The following SLC22A3 variants were observed in gnomAD, a reference collection of about 807,000 sequenced individuals.
The protein encoded by SLC22A3 is solute carrier family 22 member 3.
A neutral mutation model predicts 59.1 loss-of-function variants in SLC22A3; 51 were observed. The ratio of observed to expected loss-of-function variants is 0.86; its 90% CI spans 0.69 to 1.09. The LOEUF (loss-of-function observed/expected upper bound fraction) is 1.09. Among genes scored for constraint, SLC22A3 ranks in the 50% least tolerant of loss-of-function variants. The pLI is 0.00. For synonymous variants in SLC22A3, 325 were observed against 292.0 expected (o/e 1.11, Z -1.15); for missense variants, 711 against 726.3 (o/e 0.98, Z 0.24).
chr6:160,386,816 G>A (rs1786039185), intron 1 of SLC22A3, among the ~76,000 whole-genome samples: 1 of 152,228 alleles, frequency 6.6e-6, no homozygotes, highest in Non-Finnish European at 1.5e-5. Context: ...GCCTCTTATG[G>A]GACTGGAATC....
chr6:160,447,693 G>A (rs371840694), intron 9 of SLC22A3, 26 bp from the exon 10 acceptor site: 122 of 1,598,498 alleles, frequency 7.6e-5, no homozygotes, highest in Middle Eastern at 1.7e-4. Flanking sequence ...TTCCTGGAGC[G>A]GTAACACCTT....
At position 160,436,456 on chromosome 6, in the gene SLC22A3, G is replaced by A. The variant is rs141949214; in HGVS notation, c.976-324G>A. Among the ~76,000 whole-genome samples, 13 of 152,244 alleles carry A rather than the reference G, an allele frequency of 8.5e-5. No individual in the cohort carries two copies. In the East Asian group the frequency reaches 2.5e-3, roughly 29 times the overall value. On this transcript the variant is annotated intron_variant, in intron 5 of 10. Transcript: ENST00000275300. ...TTTATAAAGAAACCCTTAATTGGTT[G>A]GATCCCACTTGCTTCACCCACCCTG... is the stretch of plus-strand genomic sequence containing the variant.
In SLC22A3 at chr6:160,348,440, G is replaced by T. The variant is rs759156118; in HGVS notation, c.21G>T (p.Ala7=). The part of the protein sequence containing the change: MPSFDE[A]LQRVGEFGRF... ...GCACCATGCCCTCCTTCGACGAGGCGCTGCAGCGGGTGGGCGAGTTCGGGC... is the reference window on the plus strand; with the variant it reads ...GCACCATGCCCTCCTTCGACGAGGCTCTGCAGCGGGTGGGCGAGTTCGGGC... Residue 7 remains alanine, a synonymous_variant, in exon 1 of 11, where the codon GCG becomes GCT. Transcript: ENST00000275300. 3.3e-6 allele frequency: 5 copies of T among 1,518,926 alleles called. No homozygotes were observed. In the Admixed American group the frequency reaches 9.8e-5, roughly 30 times the overall value. 94.1% of individuals were successfully genotyped at this position (1,518,926 alleles called of 1,614,324 possible). A position where few individuals can be genotyped will look rare whatever the true frequency, so the allele number is the denominator to read the frequency against.
chr6:160,449,888 A>AG (rs1316217559), intron 10 of SLC22A3, among the ~76,000 whole-genome samples: 1 of 152,108 alleles, frequency 6.6e-6, no homozygotes, highest in Non-Finnish European at 1.5e-5. Context: ...TCAAAAGGGG[A>AG]GGGGGTGTAA....
intron 5 of SLC22A3, among the ~76,000 whole-genome samples, chr6:160,433,671 C>T (rs1788236264): frequency 1.3e-5 from 2 of 152,150 alleles, no homozygotes; most frequent in Admixed American, 6.5e-5. Context: ...TACACCACTA[C>T]ACTCTAGCCT....
At chr6:160,401,411 T>C (rs1348879340) in intron 2 of SLC22A3, among the ~76,000 whole-genome samples, 1 of 151,724 alleles carries the variant, frequency 6.6e-6, no homozygotes, top group East Asian at 1.9e-4. Flanking sequence ...ACTTAAAGTG[T>C]CAAGAAAAAA....
intron 2 of SLC22A3, among the ~76,000 whole-genome samples, chr6:160,402,749 T>C (rs1009440508): frequency 6.6e-6 from 1 of 151,668 alleles, no homozygotes; most frequent in African/African-American, 2.4e-5. Context: ...GAAGGATAGA[T>C]GGAAAATCCC....
At chr6:160,426,694 A>G (rs1317004860) in intron 5 of SLC22A3, among the ~76,000 whole-genome samples, 1 of 152,170 alleles carries the variant, frequency 6.6e-6, no homozygotes, top group African/African-American at 2.4e-5. Context: ...TCATTAGGCC[A>G]TACCTGCTGT....
At chr6:160,432,042 G>A (rs1227174826) in intron 5 of SLC22A3, among the ~76,000 whole-genome samples, 1 of 152,200 alleles carries the variant, frequency 6.6e-6, no homozygotes, top group Non-Finnish European at 1.5e-5. Context: ...TAAGTTGTAT[G>A]TGAGCCCACA....
chr6:160,439,128 G>A (rs1017032471), intron 7 of SLC22A3, among the ~76,000 whole-genome samples: 3 of 151,902 alleles, frequency 2.0e-5, no homozygotes, highest in African/African-American at 4.8e-5. Flanking sequence ...ATTTAGTATC[G>A]ACTAATTGCC....
intron 1 of SLC22A3, among the ~76,000 whole-genome samples, chr6:160,379,782 C>T (rs1344218702): frequency 6.6e-6 from 1 of 152,194 alleles, no homozygotes; most frequent in Non-Finnish European, 1.5e-5. Flanking sequence ...AAGATCAATA[C>T]ATCTGAAATA....
intron 1 of SLC22A3, among the ~76,000 whole-genome samples, chr6:160,383,795 CAA>C (rs995426103): frequency 6.8e-6 from 1 of 147,356 alleles, no homozygotes; most frequent in South Asian, 2.2e-4. Context: ...TTTTAAAAAG[CAA>C]AAAAAAATAT....
chr6:160,410,968 A>G (rs1033093042), intron 5 of SLC22A3, 122 bp downstream of exon 5: 2 of 517,308 alleles, frequency 3.9e-6, no homozygotes, highest in South Asian at 2.0e-5. Context: ...ATATATATAT[A>G]TGTATGTATG....
chr6:160,390,270 GA>G (rs2114815295), intron 1 of SLC22A3, among the ~76,000 whole-genome samples: 1 of 152,238 alleles, frequency 6.6e-6, no homozygotes, highest in South Asian at 2.1e-4. Flanking sequence ...AGGGAAGGAA[GA>G]GGGGGGAAAG....
At chr6:160,440,291 T>G (rs1228290010) in intron 7 of SLC22A3, among the ~76,000 whole-genome samples, 1 of 152,212 alleles carries the variant, frequency 6.6e-6, no homozygotes, top group East Asian at 1.9e-4. Context: ...AAAACTTGTC[T>G]TCCACTTTTA....
chr6:160,361,095 G>A (rs1051289962), intron 1 of SLC22A3, among the ~76,000 whole-genome samples: 2 of 152,198 alleles, frequency 1.3e-5, no homozygotes, highest in Non-Finnish European at 2.9e-5. Context: ...CTTGGAGACT[G>A]ACTCCACCCA....
chr6:160,412,792 T>C (rs1787310313), intron 5 of SLC22A3, among the ~76,000 whole-genome samples: 1 of 152,146 alleles, frequency 6.6e-6, no homozygotes, highest in South Asian at 2.1e-4. Flanking sequence ...ATCTCTGCTC[T>C]TTTGCACACA....
chr6:160,446,176 C>T (rs1788735951), intron 9 of SLC22A3, among the ~76,000 whole-genome samples: 1 of 152,154 alleles, frequency 6.6e-6, no homozygotes, highest in Admixed American at 6.6e-5. Context: ...GAAAGTAGCA[C>T]ATGTGGATCT....
chr6:160,416,722 A>C (rs576785603), intron 5 of SLC22A3, among the ~76,000 whole-genome samples: 8 of 152,350 alleles, frequency 5.3e-5, no homozygotes, highest in African/African-American at 1.9e-4. Flanking sequence ...TGTTACTTGT[A>C]GTGCCCTGTT....
Sources: gnomAD v4.1 joint callset for allele counts (sites outside exome capture counted in the v4.1 genomes callset) on GRCh38, gnomAD v4.1.1 for gene constraint, MANE v1.5 for transcripts, NCBI Gene and HGNC (gene_info 2026-07-23, HGNC 2026-07-21) for gene names.